Variants in SPTB observed in about 807,000 individuals in gnomAD.
SPTB encodes spectrin beta chain, erythrocytic.
SPTB carries 45 observed loss-of-function variants against 256.2 expected under a neutral mutation model. The ratio of observed to expected loss-of-function variants is 0.18; its 90% CI spans 0.14 to 0.23. SPTB has a LOEUF of 0.23. Ranked by LOEUF, SPTB falls within the 10% of genes least tolerant of loss-of-function variation. The pLI is 1.00. For missense variants in SPTB, 2,715 were observed against 3,040.4 expected, an observed-to-expected ratio of 0.89 and a Z score of 2.52; for synonymous variants, 1,231 against 1,243.1, an observed-to-expected ratio of 0.99 and a Z score of 0.21.
chr14:64,858,882 A>C (rs1207978174), intron 1 of SPTB, among the ~76,000 whole-genome samples: 1 of 152,170 alleles, frequency 6.6e-6, no homozygotes. Flanking sequence ...CACCTCTAGC[A>C]GTTTAGAAAT....
At position 64,844,635 on chromosome 14, in the gene SPTB, C is replaced by T. The variant is rs1281610956; in HGVS notation, c.-51-21490G>A. On this transcript the variant is annotated intron_variant, in intron 1 of 35. Transcript: ENST00000644917. The surrounding 1 kb of genome is among the most constrained non-coding windows in gnomAD (Gnocchi z 4.1). The stretch of plus-strand genomic sequence containing the variant: ...TGATAAATTTCAGCTTTGTTAATAA[C>T]AGTCCAGCAATTCACATTAACATTT... Among the ~76,000 whole-genome samples the T allele has an allele frequency of 6.6e-6, 1 of 152,222 alleles. No individual in the cohort carries two copies. Among genetic ancestry groups the T allele is most frequent in the Non-Finnish European group, 1.5e-5 (1 of 68,028 alleles).
chr14:64,835,624 T>C (rs1307230115), intron 1 of SPTB, among the ~76,000 whole-genome samples: 1 of 152,048 alleles, frequency 6.6e-6, no homozygotes, highest in Non-Finnish European at 1.5e-5. Flanking sequence ...GATTCAGCCC[T>C]GTGCTGGGCT....
At chr14:64,878,083 A>G (rs181267643) in intron 1 of SPTB, among the ~76,000 whole-genome samples, 1 of 152,214 alleles carries the variant, frequency 6.6e-6, no homozygotes, top group Non-Finnish European at 1.5e-5. Context: ...AGAACTCAAG[A>G]TCAATAGGAC....
At chr14:64,850,589 T>G (rs1373216622) in intron 1 of SPTB, among the ~76,000 whole-genome samples, 2 of 152,190 alleles carry the variant, frequency 1.3e-5, no homozygotes, top group East Asian at 3.9e-4. Context: ...ACGAGTCCCC[T>G]GCCTCTTGTC....
At chr14:64,752,321 G>T in intron 33 of SPTB, 1 of 1,230,552 alleles carries the variant, frequency 8.1e-7, no homozygotes, top group Non-Finnish European at 1.1e-6. Context: ...CCTTACTTTT[G>T]AGGGCAGGAA....
Position 64,748,526 on chromosome 14 carries a change from TC to T in SPTB, c.*779del, listed in dbSNP as rs1195914859. 1 of 152,332 alleles carries T rather than the reference TC, an allele frequency of 6.6e-6. No individual in the cohort carries two copies. Among genetic ancestry groups the T allele is most frequent in the East Asian group, 1.9e-4 (1 of 5,190 alleles). The allele number at this position is 152,332 out of a possible 1,614,324, so 9.4% of individuals were successfully genotyped here. A position where few individuals can be genotyped will look rare whatever the true frequency, so the allele number is the denominator to read the frequency against. On this transcript the variant is annotated 3_prime_UTR_variant, in exon 36 of 36. Transcript: ENST00000644917. ...AGGAATGGTCTGACCTTGCTGCCCT[TC>T]CTGGGACCGCCTGTGGTGGCACAAA...
In SPTB at chr14:64,779,191, A is replaced by G. The variant is rs979945351; in HGVS notation, c.4529T>C (p.Leu1510Pro). 16 of 1,613,958 alleles carry G rather than the reference A, an allele frequency of 9.9e-6. No homozygotes were observed. The highest frequency in any genetic ancestry group is 1.4e-5 in the Non-Finnish European group (16 of 1,179,982). The change falls in exon 22 of 36, where the codon CTG becomes CCG. Residue 1510 changes from leucine to proline, a missense_variant. By Grantham distance (98) the Leu-to-Pro change is moderately conservative. This residue lies in a region of SPTB where 2,239 missense variants were observed against 2,384.4 expected (regional missense o/e 0.94). Transcript: ENST00000644917. This position sits in a 1 kb window ranked among gnomAD's most constrained non-coding sequence, Gnocchi z 4.2. ...LAQSADYGTN[L>P]QTVQLFMKKN... ...CTTCATGAACAGTTGCACAGTTTGCAGATTAGTGCCATAGTCGGCTGACTG... is the reference window on the plus strand; with the variant it reads ...CTTCATGAACAGTTGCACAGTTTGCGGATTAGTGCCATAGTCGGCTGACTG...
chr14:64,820,707 G>C (rs2083271683), intron 2 of SPTB, among the ~76,000 whole-genome samples: 1 of 152,156 alleles, frequency 6.6e-6, no homozygotes, highest in Admixed American at 6.5e-5. Context: ...GTCTTGCTCT[G>C]TCACCCAGGT....
chr14:64,794,338 G>T, intron 13 of SPTB, 129 bp downstream of exon 13: 2 of 1,294,272 alleles, frequency 1.5e-6, no homozygotes, highest in Non-Finnish European at 1.1e-6. Context: ...TTCTTTCTTG[G>T]ACCATTACTT....
chr14:64,821,368 T>C (rs772332333), intron 2 of SPTB, among the ~76,000 whole-genome samples: 9 of 152,170 alleles, frequency 5.9e-5, no homozygotes, highest in Non-Finnish European at 1.3e-4. Context: ...TTAAACATAG[T>C]AGGAGTACAA....
intron 2 of SPTB, among the ~76,000 whole-genome samples, chr14:64,808,960 G>A (rs977385580): frequency 3.9e-5 from 6 of 152,054 alleles, no homozygotes; most frequent in African/African-American, 1.4e-4. Flanking sequence ...AAGCAGACAG[G>A]CATAAAAGGC....
chr14:64,860,734 C>A (rs2083953576), intron 1 of SPTB, among the ~76,000 whole-genome samples: 1 of 152,102 alleles, frequency 6.6e-6, no homozygotes, highest in Non-Finnish European at 1.5e-5. Flanking sequence ...AAAGTCCCTG[C>A]CCTAAAGAAA....
In SPTB at chr14:64,749,870, C is replaced by T; in HGVS notation, c.6776+111G>A. ...ATCAGCCTCTTTGATTTGAAAAACC[C>T]CTGAGGAGCAGCTCAGGCCTGGCAC... On this transcript the variant is annotated intron_variant, in intron 34 of 35. Coordinates refer to ENST00000644917, the MANE Select transcript of SPTB (RefSeq NM_001355436.2). The surrounding 1 kb of genome is among the most constrained non-coding windows in gnomAD (Gnocchi z 4.7). The T allele has an allele frequency of 2.6e-6, 4 of 1,533,034 alleles. No individual in the cohort carries two copies. The highest frequency in any genetic ancestry group is 3.6e-6 in the Non-Finnish European group (4 of 1,109,786). The allele number at this position is 1,533,034 out of a possible 1,614,324, so 95.0% of individuals were successfully genotyped here. A position where few individuals can be genotyped will look rare whatever the true frequency, so the allele number is the denominator to read the frequency against.
At chr14:64,832,910 A>G (rs2083469423) in intron 1 of SPTB, among the ~76,000 whole-genome samples, 2 of 152,198 alleles carry the variant, frequency 1.3e-5, no homozygotes, top group South Asian at 4.1e-4. Flanking sequence ...CTACTAAACT[A>G]GCCCATTTTC....
chr14:64,828,359 G>T (rs2083404348), intron 1 of SPTB, among the ~76,000 whole-genome samples: 1 of 152,150 alleles, frequency 6.6e-6, no homozygotes, highest in Admixed American at 6.5e-5. Flanking sequence ...TTTGGTTGGG[G>T]AACAGGTGCT....
At position 64,823,178 on chromosome 14, in the gene SPTB, T is replaced by G; in HGVS notation, c.-51-33A>C. The G allele has an allele frequency of 6.5e-7, 1 of 1,541,496 alleles. No homozygotes were observed. The highest frequency in any genetic ancestry group is 1.1e-5 in the South Asian group (1 of 89,132). ...ACAGCAACACAGTCAGAGGGTTATC[T>G]CTCTACCCCCTCGGACTTTTTCTCC... is the stretch of plus-strand genomic sequence containing the variant. On this transcript the variant is annotated intron_variant, in intron 1 of 35. Transcript: ENST00000644917. The surrounding 1 kb of genome is among the most constrained non-coding windows in gnomAD (Gnocchi z 6.5).
chr14:64,766,650 G>A (rs954816436), intron 32 of SPTB, 76 bp downstream of exon 32: 1 of 1,612,890 alleles, frequency 6.2e-7, no homozygotes, highest in Non-Finnish European at 8.5e-7. Flanking sequence ...CTCCACCTGG[G>A]CTGAGCCTAG....
In SPTB at chr14:64,779,399, A is replaced by C. The variant is rs2082423381; in HGVS notation, c.4474-153T>G. 6.6e-6 allele frequency among the ~76,000 whole-genome samples: 1 copy of C among 152,192 alleles called. No homozygotes were observed. The highest frequency in any genetic ancestry group is 2.1e-4 in the South Asian group (1 of 4,824). On this transcript the variant is annotated intron_variant, in intron 21 of 35. Transcript: ENST00000644917. This position sits in a 1 kb window ranked among gnomAD's most constrained non-coding sequence, Gnocchi z 4.2. ...TTTTGCCCCCATTTTATAGGTTAGA[A>C]TATTTGGGGATTTTGAACTGAGGTT...
rs2083703676 is a variant in SPTB at position 64,847,019 on chromosome 14, C to T, written c.-51-23874G>A. ...CACTAAGCTATCAGAAGCCAGTCGCCCACCCATACTGCCTCCATCCTCATG... is the reference window on the plus strand; with the variant it reads ...CACTAAGCTATCAGAAGCCAGTCGCTCACCCATACTGCCTCCATCCTCATG... On this transcript the variant is annotated intron_variant, in intron 1 of 35. Coordinates refer to ENST00000644917, the MANE Select transcript of SPTB (RefSeq NM_001355436.2). This position sits in a 1 kb window ranked among gnomAD's most constrained non-coding sequence, Gnocchi z 5.9. Among the ~76,000 whole-genome samples the T allele has an allele frequency of 6.6e-6, 1 of 152,134 alleles. No individual in the cohort carries two copies. Among genetic ancestry groups the T allele is most frequent in the African/African-American group, 2.4e-5 (1 of 41,406 alleles).
Sources: allele counts gnomAD v4.1 joint callset (sites outside exome capture counted in the v4.1 genomes callset), GRCh38; gene constraint gnomAD v4.1.1; regional missense constraint gnomAD v4.1.1; non-coding constraint Gnocchi (gnomAD v3.1); transcripts MANE v1.5; gene names NCBI Gene and HGNC (gene_info 2026-07-23, HGNC 2026-07-21).